The following DIP2C variants were observed in gnomAD, a reference collection of about 807,000 sequenced individuals.
DIP2C encodes disco-interacting protein 2 homolog C.
DIP2C carries 33 observed loss-of-function variants against 192.4 expected under a neutral mutation model. The observed-to-expected ratio is 0.17, with a 90% CI of 0.13 to 0.23. DIP2C has a LOEUF of 0.23. Ranked by LOEUF, DIP2C falls within the 10% of genes least tolerant of loss-of-function variation. The pLI, the probability that DIP2C is intolerant of heterozygous loss-of-function variation, is 1.00. For synonymous variants in DIP2C, 979 were observed against 864.1 expected (o/e 1.13, Z -2.33); for missense variants, 1,537 against 2,110.1 (o/e 0.73, Z 5.32).
chr10:597,189 C>T (rs1564247629), intron 1 of DIP2C, among the ~76,000 whole-genome samples: 1 of 152,200 alleles, frequency 6.6e-6, no homozygotes, highest in African/African-American at 2.4e-5. Flanking sequence ...CCGTCTTCTG[C>T]CCCCGGTGCT....
intron 4 of DIP2C, among the ~76,000 whole-genome samples, chr10:424,355 G>GTTTTTT (rs557255878): frequency 1.4e-4 from 12 of 83,104 alleles, no homozygotes; most frequent in African/African-American, 5.0e-4. Context: ...ATCACCTTGG[G>GTTTTTT]TTTTTTTTTT....
intron 1 of DIP2C, among the ~76,000 whole-genome samples, chr10:508,880 C>T (rs1361677567): frequency 2.6e-5 from 4 of 152,168 alleles, no homozygotes; most frequent in Non-Finnish European, 5.9e-5. Flanking sequence ...ACGGCTGTTC[C>T]AACAGCAGTG....
At chr10:561,711 C>T (rs1302389289) in intron 1 of DIP2C, among the ~76,000 whole-genome samples, 1 of 152,334 alleles carries the variant, frequency 6.6e-6, no homozygotes, top group East Asian at 1.9e-4. Flanking sequence ...AACACAACTC[C>T]TGGTCCCGTC....
intron 10 of DIP2C, among the ~76,000 whole-genome samples, chr10:391,493 C>T (rs1447189626): frequency 6.6e-6 from 1 of 152,194 alleles, no homozygotes; most frequent in Non-Finnish European, 1.5e-5. Context: ...CTGCCAGCTC[C>T]GGTTTGGGAA....
At chr10:674,157 T>G (rs548472604) in intron 1 of DIP2C, among the ~76,000 whole-genome samples, 1 of 152,166 alleles carries the variant, frequency 6.6e-6, no homozygotes, top group Non-Finnish European at 1.5e-5. Context: ...TTAAAAGATA[T>G]AGACTGGCTG....
chr10:657,728 T>C (rs1856461913), intron 1 of DIP2C, among the ~76,000 whole-genome samples: 1 of 143,390 alleles, frequency 7.0e-6, no homozygotes, highest in Non-Finnish European at 1.5e-5. Flanking sequence ...CCCCTGGACC[T>C]GCCGCTGGAC....
In DIP2C at chr10:356,436, A is replaced by G; in HGVS notation, c.2975T>C (p.Leu992Pro). 1 of 1,611,660 alleles carries G rather than the reference A, an allele frequency of 6.2e-7. No individual in the cohort carries two copies. Among genetic ancestry groups the G allele is most frequent in the Non-Finnish European group, 8.5e-7 (1 of 1,179,988 alleles). ...AGCTCCGCGCCTCACCCGACAGTTG[A>G]GCAGCGTGTAGAGGATGTGGTCCGG... is the stretch of plus-strand genomic sequence containing the variant. ...TTPDHILYTLLNCRGAIANSL... is the reference protein window; with the variant it reads ...TTPDHILYTLPNCRGAIANSL... The change falls in exon 24 of 37, where the codon CTC becomes CCC. Residue 992 changes from leucine (L) to proline (P), a missense_variant. Leu to Pro is a moderately conservative substitution (Grantham distance 98). Around this residue, in one of 4 missense-constraint regions of DIP2C, gnomAD observed 677 missense variants for 989.9 expected, o/e 0.68. Coordinates refer to ENST00000280886, the MANE Select transcript of DIP2C (RefSeq NM_014974.3).
At chr10:345,611 T>A (rs1311239022) in intron 26 of DIP2C, among the ~76,000 whole-genome samples, 32 of 98,572 alleles carry the variant, frequency 3.2e-4, no homozygotes, top group Middle Eastern at 5.6e-3. Context: ...AACCCCACAC[T>A]CACCCAACCC....
intron 13 of DIP2C, 50 bp downstream of exon 13, chr10:389,941 G>A (rs182632575): frequency 1.2e-5 from 18 of 1,470,544 alleles, no homozygotes; most frequent in South Asian, 2.4e-5. Context: ...TTCGTGTCAG[G>A]TGTCCCGGTT....
At chr10:347,659 C>G (rs1453324481) in intron 26 of DIP2C, among the ~76,000 whole-genome samples, 1 of 125,922 alleles carries the variant, frequency 7.9e-6, no homozygotes, top group Non-Finnish European at 1.6e-5. Flanking sequence ...TCCCGGAAAC[C>G]CCACACTCAC....
chr10:592,690 T>C (rs1346822050), intron 1 of DIP2C, among the ~76,000 whole-genome samples: 2 of 152,150 alleles, frequency 1.3e-5, no homozygotes, highest in Non-Finnish European at 2.9e-5. Context: ...TATTTTTAAT[T>C]CTTTGTAAAT....
At chr10:419,351 C>A in intron 5 of DIP2C, 152 bp from the exon 6 acceptor site, 1 of 1,064,942 alleles carries the variant, frequency 9.4e-7, no homozygotes, top group Non-Finnish European at 1.4e-6. Flanking sequence ...ATCTGCCACA[C>A]ACATCCAGCA....
chr10:441,071 C>G, intron 3 of DIP2C, 75 bp from the exon 4 acceptor site: 1 of 1,495,772 alleles, frequency 6.7e-7, no homozygotes, highest in Non-Finnish European at 8.9e-7. Flanking sequence ...CCTCTCTGTC[C>G]CTGCAGCACA....
At chr10:295,688 T>C (rs1431017310) in intron 32 of DIP2C, among the ~76,000 whole-genome samples, 3 of 150,430 alleles carry the variant, frequency 2.0e-5, no homozygotes, top group Non-Finnish European at 3.0e-5. Context: ...GGAACTCTTA[T>C]ACACTGTTGG....
intron 1 of DIP2C, among the ~76,000 whole-genome samples, chr10:513,987 T>G (rs139488151): frequency 6.6e-6 from 1 of 152,320 alleles, no homozygotes; most frequent in African/African-American, 2.4e-5. Flanking sequence ...GTCTTGGCAA[T>G]GTACAAATTC....
chr10:616,354 C>T (rs980825936), intron 1 of DIP2C, among the ~76,000 whole-genome samples: 4 of 152,188 alleles, frequency 2.6e-5, no homozygotes, highest in Non-Finnish European at 4.4e-5. Flanking sequence ...ATTTTGTAAA[C>T]AAACCAATTA....
intron 29 of DIP2C, among the ~76,000 whole-genome samples, chr10:340,378 G>A (rs182549158): frequency 6.6e-5 from 10 of 152,024 alleles, no homozygotes; most frequent in East Asian, 1.9e-4. Flanking sequence ...GAAAGCAGGC[G>A]GATAATACAA....
chr10:303,577 G>A (rs948921731), intron 32 of DIP2C, among the ~76,000 whole-genome samples: 29 of 151,432 alleles, frequency 1.9e-4, no homozygotes, highest in Non-Finnish European at 2.9e-5. Context: ...AGACTGGAGT[G>A]CAGTGGCGCG....
intron 1 of DIP2C, among the ~76,000 whole-genome samples, chr10:588,303 G>A (rs1326539069): frequency 2.6e-5 from 4 of 152,246 alleles, no homozygotes; most frequent in Non-Finnish European, 5.9e-5. Context: ...AGCCACAGGA[G>A]GGCAGGGAAG....
Sources: allele counts gnomAD v4.1 joint callset (sites outside exome capture counted in the v4.1 genomes callset), GRCh38; gene constraint gnomAD v4.1.1; regional missense constraint gnomAD v4.1.1; transcripts MANE v1.5; gene names NCBI Gene and HGNC (gene_info 2026-07-23, HGNC 2026-07-21).